NFASC: variants seen among roughly 807,000 people sequenced by gnomAD.
NFASC encodes the protein neurofascin.
NFASC carries 43 observed loss-of-function variants against 147.5 expected under a neutral mutation model. That is an observed-to-expected ratio of 0.29 (90% CI 0.23 to 0.38). The LOEUF is 0.38. NFASC is among the 10% of genes least tolerant of loss of function. The pLI, the probability that NFASC is intolerant of heterozygous loss-of-function variation, is 1.00. For missense variants in NFASC, 1,320 were observed against 1,689.0 expected (o/e 0.78, Z 3.83); for synonymous variants, 622 against 665.5 (o/e 0.93, Z 1.01).
intron 3 of NFASC, chr1:204,947,144 T>C: frequency 3.4e-6 from 1 of 291,912 alleles, no homozygotes; most frequent in East Asian, 8.3e-5. Context: ...ACAGGGGTCC[T>C]CAAGACCCAT....
At chr1:204,890,593 G>A (rs533509498) in intron 1 of NFASC, among the ~76,000 whole-genome samples, 2 of 150,544 alleles carry the variant, frequency 1.3e-5, no homozygotes, top group African/African-American at 2.4e-5. Context: ...TTTTTGAGAT[G>A]GAGTCTCACT....
At chr1:204,855,419 CAAT>C (rs150009795) in intron 1 of NFASC, among the ~76,000 whole-genome samples, 1,865 of 151,920 alleles carry the variant, frequency 0.012, 31 homozygotes, top group African/African-American at 0.042. Flanking sequence ...CTTAAAAGAT[CAAT>C]AATATTTTGA....
intron 1 of NFASC, among the ~76,000 whole-genome samples, chr1:204,882,834 G>T (rs2080537194): frequency 6.6e-6 from 1 of 152,138 alleles, no homozygotes; most frequent in Non-Finnish European, 1.5e-5. Context: ...ATTTGAAATT[G>T]AAAGATGTTT....
At chr1:204,845,239 T>C (rs1358219643) in intron 1 of NFASC, among the ~76,000 whole-genome samples, 4 of 150,756 alleles carry the variant, frequency 2.7e-5, no homozygotes, top group African/African-American at 9.8e-5. Context: ...GCTCTGTCAG[T>C]CAGGAATTCA....
In NFASC at chr1:204,983,207, G is replaced by A. The variant is rs72753423; in HGVS notation, c.2470+1187G>A. Among the ~76,000 whole-genome samples, 839 of 152,312 alleles carry A rather than the reference G, an allele frequency of 5.5e-3. 12 individuals are homozygous for A. The highest frequency in any genetic ancestry group is 0.011 in the South Asian group (53 of 4,822). On this transcript the variant is annotated intron_variant, in intron 21 of 29. Transcript: ENST00000339876. ...AGGGACGAGGCAGAGCTGCTTTTGC[G>A]GCAGAGTGGAGAAAACAGGGACAAG...
At chr1:204,853,676 C>T (rs779911844) in intron 1 of NFASC, among the ~76,000 whole-genome samples, 1 of 152,216 alleles carries the variant, frequency 6.6e-6, no homozygotes, top group African/African-American at 2.4e-5. Flanking sequence ...GTGCCAAACC[C>T]ATACCAGCCC....
intron 1 of NFASC, among the ~76,000 whole-genome samples, chr1:204,834,542 T>TC (rs1673133643): frequency 6.6e-6 from 1 of 151,944 alleles, no homozygotes; most frequent in South Asian, 2.1e-4. Context: ...TCCTCACTCC[T>TC]CCCCTCCCGG....
chr1:204,860,993 G>GTT (rs71782689), intron 1 of NFASC, among the ~76,000 whole-genome samples: 8 of 141,146 alleles, frequency 5.7e-5, no homozygotes, highest in East Asian at 4.1e-4. Context: ...GACCATTTGG[G>GTT]TTTTTTTTTC....
Position 204,954,351 on chromosome 1 carries a change from G to A in NFASC, c.379G>A (p.Ala127Thr). 6.2e-7 allele frequency: 1 copy of A among 1,614,126 alleles called. No individual in the cohort carries two copies. The highest frequency in any genetic ancestry group is 8.5e-7 in the Non-Finnish European group (1 of 1,180,014). The change falls in exon 6 of 30, where the codon GCC (alanine) becomes ACC (threonine). Residue 127 changes from alanine (A) to threonine (T), a missense_variant. Physicochemically the swap from Ala to Thr is moderately conservative, Grantham distance 58. Around this residue, in one of 3 missense-constraint regions of NFASC, gnomAD observed 981 missense variants for 1,289.5 expected, o/e 0.76. Transcript: ENST00000339876. The surrounding 1 kb of genome is among the most constrained non-coding windows in gnomAD (Gnocchi z 5.7). ...QCFARNKFGT[A>T]LSNRIRLQVS... ...CTTCGCCCGCAACAAATTTGGCACG[G>A]CCCTGTCCAATAGGATCCGCCTGCA...
At chr1:204,964,348 A>G (rs2094835639) in intron 8 of NFASC, among the ~76,000 whole-genome samples, 1 of 152,246 alleles carries the variant, frequency 6.6e-6, no homozygotes, top group South Asian at 2.1e-4. Context: ...TGTTGACTGT[A>G]TCCTGGATAG....
Position 204,968,600 on chromosome 1 carries a change from C to G in NFASC, c.819-198C>G, listed in dbSNP as rs74138681. The G allele has an allele frequency of 5.9e-3, 3,660 of 619,646 alleles. 84 individuals are homozygous for G. In the African/African-American group the frequency reaches 0.06, roughly 10 times the overall value. The allele number at this position is 619,646 out of a possible 1,614,324, so 38.4% of individuals were successfully genotyped here. A position where few individuals can be genotyped will look rare whatever the true frequency, so the allele number is the denominator to read the frequency against. ...AGGCATCCCGTAGATGCGTTAGAAT[C>G]TCGTGGGACCTTAGCTAAGCCTTCA... On this transcript the variant is annotated intron_variant, in intron 9 of 29. Coordinates refer to ENST00000339876, the MANE Select transcript of NFASC (RefSeq NM_001005388.3). The surrounding 1 kb of genome is among the most constrained non-coding windows in gnomAD (Gnocchi z 5.4).
At chr1:204,871,646 G>A (rs1187155028) in intron 1 of NFASC, among the ~76,000 whole-genome samples, 1 of 152,234 alleles carries the variant, frequency 6.6e-6, no homozygotes, top group Non-Finnish European at 1.5e-5. Flanking sequence ...CAGGAATGCA[G>A]AAGCTGCTGG....
rs755708885 is a variant in NFASC at position 204,958,641 on chromosome 1, C to A, written c.706+815C>A. Among the ~76,000 whole-genome samples, 5 of 152,318 alleles carry A rather than the reference C, an allele frequency of 3.3e-5. No individual in the cohort carries two copies. In the South Asian group the frequency reaches 1.0e-3, roughly 32 times the overall value. ...TGATGTACACCATGGATTTGTAACA[C>A]GCCTTCCATAAAGGAGCCCCCCAAA... On this transcript the variant is annotated intron_variant, in intron 8 of 29. Transcript: ENST00000339876.
At chr1:204,837,559 G>T (rs1674125053) in intron 1 of NFASC, among the ~76,000 whole-genome samples, 1 of 152,202 alleles carries the variant, frequency 6.6e-6, no homozygotes, top group African/African-American at 2.4e-5. Flanking sequence ...GAAGAAGTGG[G>T]TGGGAAGTCC....
At position 205,022,116 on chromosome 1, in the gene NFASC, A is replaced by T. The variant is rs2096404110; in HGVS notation, c.*5577A>T. The T allele has an allele frequency of 2.0e-5, 3 of 152,398 alleles. No individual in the cohort carries two copies. The highest frequency in any genetic ancestry group is 4.4e-5 in the Non-Finnish European group (3 of 67,972). 9.4% of individuals were successfully genotyped at this position (152,398 alleles called of 1,614,324 possible). ...ACTTCAGTGAAGCAATAAACACAAA[A>T]CTCTGGGAGAAGATATCCAGAATTT... On this transcript the variant is annotated 3_prime_UTR_variant, in exon 30 of 30. Coordinates refer to ENST00000339876, the MANE Select transcript of NFASC (RefSeq NM_001005388.3).
chr1:204,982,877 G>T (rs1179915258), intron 21 of NFASC, among the ~76,000 whole-genome samples: 1 of 152,242 alleles, frequency 6.6e-6, no homozygotes, highest in African/African-American at 2.4e-5. Context: ...AGAAGGAGCA[G>T]TCAAGAGTAC....
At chr1:204,898,510 A>T (rs565548429) in intron 1 of NFASC, among the ~76,000 whole-genome samples, 1 of 149,920 alleles carries the variant, frequency 6.7e-6, no homozygotes, top group Non-Finnish European at 1.5e-5. Context: ...TATTTTTCTT[A>T]TCATTAAAGT....
At chr1:204,976,880 G>T in intron 16 of NFASC, 85 bp downstream of exon 16, 1 of 1,538,418 alleles carries the variant, frequency 6.5e-7, no homozygotes, top group East Asian at 2.3e-5. Flanking sequence ...GCAGTTCCGA[G>T]GGCAGTGCCT....
chr1:204,963,201 C>T (rs974438381), intron 8 of NFASC, among the ~76,000 whole-genome samples: 2 of 152,152 alleles, frequency 1.3e-5, no homozygotes, highest in Non-Finnish European at 2.9e-5. Context: ...TAACTTGGCA[C>T]CAAGCAGCTA....
Sources: gnomAD v4.1 joint callset for allele counts (sites outside exome capture counted in the v4.1 genomes callset) on GRCh38, gnomAD v4.1.1 for gene constraint, gnomAD v4.1.1 regional missense constraint, Gnocchi (gnomAD v3.1) non-coding constraint, MANE v1.5 for transcripts, NCBI Gene and HGNC (gene_info 2026-07-23, HGNC 2026-07-21) for gene names.